Variants in PLS3 observed in about 807,000 individuals in gnomAD.
PLS3 encodes the protein plastin 3, also known as plastin-3.
Under a neutral mutation model 46.5 loss-of-function variants are expected in PLS3, and 11 were observed. The observed-to-expected ratio is 0.24, with a 90% CI of 0.15 to 0.39. PLS3 has a LOEUF of 0.39. PLS3 is among the 10% of genes least tolerant of loss of function. The probability of loss-of-function intolerance (pLI) is 1.00; values close to 1 mark genes in which losing one functional copy is unlikely to be tolerated. For synonymous variants in PLS3, 167 were observed against 162.2 expected, an observed-to-expected ratio of 1.03 and a Z score of -0.22; for missense variants, 308 against 461.8, an observed-to-expected ratio of 0.67 and a Z score of 3.05.
intron 1 of PLS3, among the ~76,000 whole-genome samples, chrX:115,599,648 T>C (rs1247447634): frequency 9.5e-6 from 1 of 105,701 alleles, no homozygotes; most frequent in Non-Finnish European, 1.9e-5. Flanking sequence ...TTATTATTAT[T>C]TTGAGGTGGA....
intron 1 of PLS3, among the ~76,000 whole-genome samples, chrX:115,579,731 A>G (rs1349558675): frequency 9.0e-6 from 1 of 111,044 alleles, no homozygotes; most frequent in Non-Finnish European, 1.9e-5. Context: ...CATGTCTTTT[A>G]CCTATTTTCT....
rs781878578 is a variant in PLS3 at position 115,567,293 on chromosome X, T to C, written c.-9+6033T>C. Among the ~76,000 whole-genome samples, 7 of 111,536 alleles carry C rather than the reference T, an allele frequency of 6.3e-5. No individual in the cohort carries two copies. The South Asian group carries it at 2.7e-3, about 43-fold the overall frequency. On this transcript the variant is annotated intron_variant, in intron 1 of 15. Transcript: ENST00000355899. The stretch of plus-strand genomic sequence containing the variant: ...AGATAATCTATACATTTAAGTAGCA[T>C]GCCATGAATAACACAAAAAATGGCC...
chrX:115,639,003 C>T (rs1017618649), intron 8 of PLS3, among the ~76,000 whole-genome samples: 2 of 111,431 alleles, frequency 1.8e-5, no homozygotes, highest in Admixed American at 1.9e-4. Context: ...CATGAGTCAC[C>T]GCCCCCGGCC....
At chrX:115,625,985 A>C (rs1214711990) in intron 3 of PLS3, among the ~76,000 whole-genome samples, 2 of 112,603 alleles carry the variant, frequency 1.8e-5, no homozygotes, top group East Asian at 5.6e-4. Context: ...GTACAGCAGG[A>C]GTTAGCTCAC....
At chrX:115,567,816 T>C (rs28605199) in intron 1 of PLS3, among the ~76,000 whole-genome samples, 3,731 of 105,339 alleles carry the variant, frequency 0.035, 171 homozygotes, top group African/African-American at 0.12. Context: ...GTGATATTCA[T>C]ACACACACGA....
intron 5 of PLS3, among the ~76,000 whole-genome samples, chrX:115,630,393 C>G (rs5987950): frequency 0.14 from 15,640 of 110,163 alleles, 1,877 homozygotes; most frequent in African/African-American, 0.4. Context: ...CATAACACAA[C>G]ATTATCAACA....
intron 2 of PLS3, among the ~76,000 whole-genome samples, chrX:115,618,527 A>G (rs906702807): frequency 2.7e-5 from 3 of 111,816 alleles, no homozygotes; most frequent in Non-Finnish European, 3.8e-5. Flanking sequence ...TCAAGGCTGC[A>G]GTGAGCTATG....
intron 3 of PLS3, among the ~76,000 whole-genome samples, chrX:115,624,006 G>T (rs1207343465): frequency 9.0e-6 from 1 of 111,470 alleles, no homozygotes; most frequent in Non-Finnish European, 1.9e-5. Flanking sequence ...AAGGCGGGTG[G>T]ATCACGAGCT....
At chrX:115,643,733 G>A (rs1362778667) in intron 10 of PLS3, among the ~76,000 whole-genome samples, 1 of 111,940 alleles carries the variant, frequency 8.9e-6, no homozygotes, top group Non-Finnish European at 1.9e-5. Flanking sequence ...CACTTTGGGA[G>A]GCCGACATGG....
At chrX:115,600,624 G>A (rs1409083064) in intron 1 of PLS3, among the ~76,000 whole-genome samples, 1 of 112,633 alleles carries the variant, frequency 8.9e-6, no homozygotes, top group Admixed American at 9.4e-5. Flanking sequence ...CTTTGACCAA[G>A]TTTAAGAATC....
intron 5 of PLS3, among the ~76,000 whole-genome samples, chrX:115,631,665 C>A (rs1300893584): frequency 9.0e-6 from 1 of 111,280 alleles, no homozygotes; most frequent in African/African-American, 3.3e-5. Flanking sequence ...CCCAGGAGTA[C>A]AAGGCGGCAG....
intron 9 of PLS3, 151 bp from the exon 10 acceptor site, chrX:115,643,162 A>T (rs1217950528): frequency 2.3e-6 from 1 of 432,184 alleles, no homozygotes; most frequent in Non-Finnish European, 4.0e-6. Context: ...AAGAGGGCCA[A>T]CCTTTTTTTT....
chrX:115,621,300 C>A (rs1341596592), intron 2 of PLS3, among the ~76,000 whole-genome samples: 3 of 112,133 alleles, frequency 2.7e-5, no homozygotes, highest in Non-Finnish European at 5.6e-5. Context: ...CAGGCGTGAG[C>A]CACCGTGCCC....
chrX:115,607,635 C>T (rs782019315), intron 1 of PLS3, among the ~76,000 whole-genome samples: 147 of 109,927 alleles, frequency 1.3e-3, no homozygotes, highest in Non-Finnish European at 2.3e-3. Flanking sequence ...CCCGAGTAGC[C>T]GGGATTACAG....
At chrX:115,641,569 G>GT (rs1353995928) in intron 9 of PLS3, among the ~76,000 whole-genome samples, 1 of 110,495 alleles carries the variant, frequency 9.1e-6, no homozygotes, top group East Asian at 2.9e-4. Context: ...AACTGAATTT[G>GT]TAACTGACTT....
intron 1 of PLS3, among the ~76,000 whole-genome samples, chrX:115,607,566 T>G (rs1402082141): frequency 2.8e-5 from 3 of 107,984 alleles, no homozygotes; most frequent in African/African-American, 6.8e-5. Context: ...TGGTACGATC[T>G]CCGCTCACTG....
At chrX:115,615,730 A>G (rs2074592949) in intron 2 of PLS3, among the ~76,000 whole-genome samples, 1 of 111,221 alleles carries the variant, frequency 9.0e-6, no homozygotes, top group Non-Finnish European at 1.9e-5. Flanking sequence ...AATTGTGTTC[A>G]GTGATAAGGT....
intron 1 of PLS3, among the ~76,000 whole-genome samples, chrX:115,561,581 G>C (rs1289485669): frequency 5.4e-5 from 6 of 111,974 alleles, no homozygotes; most frequent in African/African-American, 1.9e-4. Context: ...TCTTGGGCTG[G>C]AGTCCTAGAC....
chrX:115,585,027 G>A (rs190955260), intron 1 of PLS3, among the ~76,000 whole-genome samples: 1 of 111,412 alleles, frequency 9.0e-6, no homozygotes, highest in East Asian at 2.8e-4. Context: ...TCTTTCATAC[G>A]CCATTTCCCT....
Sources: allele counts gnomAD v4.1 joint callset (sites outside exome capture counted in the v4.1 genomes callset), GRCh38; gene constraint gnomAD v4.1.1; transcripts MANE v1.5; gene names NCBI Gene and HGNC (gene_info 2026-07-23, HGNC 2026-07-21).